IL18RAP: variants seen among roughly 807,000 people sequenced by gnomAD.
IL18RAP encodes interleukin-18 receptor accessory protein.
A neutral mutation model predicts 58.1 loss-of-function variants in IL18RAP; 37 were observed. The observed-to-expected ratio is 0.64, with a 90% CI of 0.49 to 0.84. The LOEUF (loss-of-function observed/expected upper bound fraction) is 0.84. IL18RAP is among the 40% of genes least tolerant of loss of function. The probability of loss-of-function intolerance (pLI) is 0.00; values close to 1 mark genes in which losing one functional copy is unlikely to be tolerated. For synonymous variants in IL18RAP, 268 were observed against 257.5 expected (o/e 1.04, Z -0.39); for missense variants, 667 against 704.8 (o/e 0.95, Z 0.61).
chr2:102,419,456 G>T (rs1681437131), upstream of IL18RAP: 1 of 152,254 alleles, frequency 6.6e-6, no homozygotes, highest in Non-Finnish European at 1.5e-5. Context: ...CTCTCCCTGG[G>T]TCTCAGATCC....
chr2:102,439,994 C>T (rs1682999519), intron 4 of IL18RAP: 1 of 152,262 alleles, frequency 6.6e-6, no homozygotes. Flanking sequence ...AAGAGGAAGA[C>T]AATCCTCAAA....
intron 8 of IL18RAP, among the ~76,000 whole-genome samples, chr2:102,448,009 C>G (rs976601230): frequency 6.6e-6 from 1 of 152,194 alleles, no homozygotes; most frequent in African/African-American, 2.4e-5. Flanking sequence ...GCTGGGATTA[C>G]AGCCGTGAGC....
intron 3 of IL18RAP, among the ~76,000 whole-genome samples, chr2:102,428,550 T>C (rs1023300583): frequency 6.6e-6 from 1 of 152,028 alleles, no homozygotes; most frequent in South Asian, 2.1e-4. Flanking sequence ...TTTTTATACG[T>C]TGATTTTACA....
intron 3 of IL18RAP, among the ~76,000 whole-genome samples, chr2:102,430,331 G>T (rs796201212): frequency 4.0e-5 from 6 of 151,842 alleles, no homozygotes; most frequent in African/African-American, 1.4e-4. Flanking sequence ...TCTTTTTATA[G>T]TTTTTTTACT....
chr2:102,448,420 A>T (rs1371869454), intron 8 of IL18RAP, among the ~76,000 whole-genome samples: 1 of 152,188 alleles, frequency 6.6e-6, no homozygotes, highest in Admixed American at 6.5e-5. Context: ...ATGTTCATTG[A>T]TGTTTGCTTC....
chr2:102,424,783 C>A (rs1238518658), intron 3 of IL18RAP, among the ~76,000 whole-genome samples: 1 of 152,210 alleles, frequency 6.6e-6, no homozygotes, highest in Non-Finnish European at 1.5e-5. Context: ...GGACTCAACA[C>A]ATAAGTCTTG....
At chr2:102,437,015 T>C (rs1225998777) in intron 3 of IL18RAP, among the ~76,000 whole-genome samples, 197 bp from the exon 4 acceptor site, 2 of 152,120 alleles carry the variant, frequency 1.3e-5, no homozygotes, top group Non-Finnish European at 2.9e-5. Context: ...CATAATGCAA[T>C]TGTATTGGAA....
intron 4 of IL18RAP, among the ~76,000 whole-genome samples, chr2:102,440,903 T>C (rs62154974): frequency 0.07 from 10,639 of 152,240 alleles, 479 homozygotes; most frequent in Non-Finnish European, 0.089. Flanking sequence ...AGTTTAAGGA[T>C]GGAGGGGTGG....
chr2:102,446,203 A>G (rs764778938), intron 7 of IL18RAP, among the ~76,000 whole-genome samples: 1 of 152,174 alleles, frequency 6.6e-6, no homozygotes, highest in Non-Finnish European at 1.5e-5. Flanking sequence ...AAGGAATATG[A>G]TAAGTTTCCC....
At chr2:102,422,914 G>A (rs1039604907), upstream of IL18RAP, among the ~76,000 whole-genome samples, 1 of 151,994 alleles carries the variant, frequency 6.6e-6, no homozygotes, top group Non-Finnish European at 1.5e-5. Context: ...TGCTAGGTGA[G>A]CACATCAAAG....
At position 102,423,905 on chromosome 2, in the gene IL18RAP, T is replaced by G; in HGVS notation, c.165T>G (p.His55Gln). The stretch of plus-strand genomic sequence containing the variant: ...ATTTACCAGAGCCACAGAAATCACA[T>G]TTCTGCCACAGAAATCGACTCTCAC... ...FCDLPEPQKS[H>Q]FCHRNRLSPK... Residue 55 changes from histidine (H) to glutamine (Q), a missense_variant, in exon 2 of 10, where the codon CAT (histidine) becomes CAG (glutamine). By Grantham distance (24) the His-to-Gln change is conservative (BLOSUM62 0). Transcript: ENST00000687160. 1.2e-6 allele frequency: 2 copies of G among 1,613,982 alleles called. No homozygotes were observed. The highest frequency in any genetic ancestry group is 1.7e-6 in the Non-Finnish European group (2 of 1,179,942).
At chr2:102,446,790 G>A (rs1683447025) in intron 7 of IL18RAP, among the ~76,000 whole-genome samples, 1 of 113,630 alleles carries the variant, frequency 8.8e-6, no homozygotes, top group South Asian at 2.4e-4. Context: ...TACAGACTCC[G>A]TCTCCAAAAA....
intron 3 of IL18RAP, chr2:102,435,225 G>T (rs1400020608): frequency 6.6e-6 from 1 of 152,160 alleles, no homozygotes; most frequent in Non-Finnish European, 1.5e-5. Context: ...AGGTTGTGTG[G>T]TTCTCATGAT....
intron 4 of IL18RAP, chr2:102,440,248 C>G (rs762746995): frequency 6.6e-6 from 1 of 152,212 alleles, no homozygotes; most frequent in Non-Finnish European, 1.5e-5. Context: ...GTGAATATAG[C>G]GGTTGAAAGT....
chr2:102,433,660 C>T (rs538144240), intron 3 of IL18RAP, among the ~76,000 whole-genome samples: 2 of 152,302 alleles, frequency 1.3e-5, no homozygotes, highest in East Asian at 3.9e-4. Flanking sequence ...ATTCTCATGC[C>T]TCAGCCTCCC....
chr2:102,450,786 TAC>T, intron 8 of IL18RAP, 60 bp from the exon 9 acceptor site: 1 of 1,050,230 alleles, frequency 9.5e-7, no homozygotes, highest in Non-Finnish European at 1.4e-6. Flanking sequence ...TATGTATGTG[TAC>T]CATAACAGTA....
chr2:102,441,361 A>C lies in IL18RAP; in HGVS notation c.780A>C (p.Thr260=). 6.2e-7 allele frequency: 1 copy of C among 1,613,296 alleles called. No homozygotes were observed. Among genetic ancestry groups the C allele is most frequent in the Non-Finnish European group, 8.5e-7 (1 of 1,179,376 alleles). The change falls in exon 5 of 10, where the codon ACA becomes ACC. Residue 260 remains threonine, a synonymous_variant. Transcript: ENST00000687160. ...KPDILDPVED[T]LEVELGKPLT... is the part of the protein sequence containing the mutation. ...ATATTCTGGATCCTGTCGAGGACAC[A>C]CTGGAAGTAGAACTTGGTAAGCTGG...
chr2:102,451,466 C>T (rs979777397), intron 9 of IL18RAP, among the ~76,000 whole-genome samples: 2 of 152,198 alleles, frequency 1.3e-5, no homozygotes, highest in Non-Finnish European at 2.9e-5. Flanking sequence ...TCCTCAGATA[C>T]CCCCACCAAG....
At chr2:102,419,495 C>G (rs901728767), upstream of IL18RAP, 6 of 152,328 alleles carry the variant, frequency 3.9e-5, no homozygotes, top group African/African-American at 1.4e-4. Context: ...CCAGCACTTT[C>G]CTCTCTCTCC....
Sources: allele counts gnomAD v4.1 joint callset (sites outside exome capture counted in the v4.1 genomes callset), GRCh38; gene constraint gnomAD v4.1.1; transcripts MANE v1.5; gene names NCBI Gene and HGNC (gene_info 2026-07-23, HGNC 2026-07-21).